The following SSTR4 variants were observed in gnomAD, a reference collection of about 807,000 sequenced individuals.
SSTR4 encodes the protein somatostatin receptor type 4.
For missense variants in SSTR4, 649 were observed against 540.6 expected, an observed-to-expected ratio of 1.20 and a Z score of -1.99; for synonymous variants, 272 against 246.3, an observed-to-expected ratio of 1.10 and a Z score of -0.98.
Position 23,036,786 on chromosome 20 carries a change from C to T in SSTR4, c.*136C>T, listed in dbSNP as rs992127642. 8.0e-6 allele frequency: 8 copies of T among 999,570 alleles called. No homozygotes were observed. Among genetic ancestry groups the T allele is most frequent in the South Asian group, 3.5e-5 (2 of 56,362 alleles). 61.9% of individuals were successfully genotyped at this position (999,570 alleles called of 1,614,324 possible). ...TCCTTCCAGCAGCCCATGTACCTGC[C>T]GGAGAGTGTCAGAACTCTTCTGCTG... On this transcript the variant is annotated 3_prime_UTR_variant, in exon 1 of 1. Coordinates refer to ENST00000255008, the MANE Select transcript of SSTR4 (RefSeq NM_001052.4).
In SSTR4 at chr20:23,036,439, G is replaced by A. The variant is rs367818373; in HGVS notation, c.956G>A (p.Arg319His). The change falls in exon 1 of 1, where the codon CGC becomes CAC. Residue 319 changes from arginine (R) to histidine (H), a missense_variant. Physicochemically the swap from Arg to His is conservative, Grantham distance 29. Transcript: ENST00000255008. ...ILYGFLSDNF[R>H]RFFQRVLCLR... ...TATGGCTTCCTCTCCGACAACTTCC[G>A]CCGATTCTTCCAGCGGGTTCTCTGC... 4.3e-6 allele frequency: 7 copies of A among 1,613,768 alleles called. No homozygotes were observed. The highest frequency in any genetic ancestry group is 3.3e-5 in the Admixed American group (2 of 59,972).
At position 23,037,197 on chromosome 20, in the gene SSTR4, G is replaced by C. The variant is rs925604979; in HGVS notation, c.*547G>C. The C allele has an allele frequency of 6.5e-6, 1 of 153,334 alleles. No homozygotes were observed. Among genetic ancestry groups the C allele is most frequent in the Non-Finnish European group, 1.5e-5 (1 of 68,942 alleles). The allele number at this position is 153,334 out of a possible 1,614,324, so 9.5% of individuals were successfully genotyped here. A position where few individuals can be genotyped will look rare whatever the true frequency, so the allele number is the denominator to read the frequency against. Reference sequence around the variant, plus strand: ...TTACTTCCCTCCCCACTCACCCCCGGCCTGGGAATAACATCTGCTTGCTGT... The same window carrying C: ...TTACTTCCCTCCCCACTCACCCCCGCCCTGGGAATAACATCTGCTTGCTGT... On this transcript the variant is annotated 3_prime_UTR_variant, in exon 1 of 1. Transcript: ENST00000255008.
chr20:23,035,367 T>A lies in SSTR4; in HGVS notation c.-117T>A, dbSNP rs1984267542. ...CCCCGGTGCCCGCAGCTCTTCAGCG[T>A]AGCCGGGAAGAGCCGCGCGTCTGCG... On this transcript the variant is annotated 5_prime_UTR_variant, in exon 1 of 1. Transcript: ENST00000255008. 3.7e-6 allele frequency: 3 copies of A among 807,020 alleles called. No homozygotes were observed. In the African/African-American group the frequency reaches 5.4e-5, roughly 15 times the overall value. 50.0% of individuals were successfully genotyped at this position (807,020 alleles called of 1,614,324 possible). A position where few individuals can be genotyped will look rare whatever the true frequency, so the allele number is the denominator to read the frequency against.
chr20:23,036,791 A>G lies in SSTR4; in HGVS notation c.*141A>G. The G allele has an allele frequency of 1.0e-6, 1 of 977,154 alleles. No homozygotes were observed. The highest frequency in any genetic ancestry group is 1.5e-6 in the Non-Finnish European group (1 of 671,242). The allele number at this position is 977,154 out of a possible 1,614,324, so 60.5% of individuals were successfully genotyped here. ...CCAGCAGCCCATGTACCTGCCGGAGAGTGTCAGAACTCTTCTGCTGCTCTC... is the reference window on the plus strand; with the variant it reads ...CCAGCAGCCCATGTACCTGCCGGAGGGTGTCAGAACTCTTCTGCTGCTCTC... On this transcript the variant is annotated 3_prime_UTR_variant, in exon 1 of 1. Coordinates refer to ENST00000255008, the MANE Select transcript of SSTR4 (RefSeq NM_001052.4).
chr20:23,037,065 C>G lies in SSTR4; in HGVS notation c.*415C>G, dbSNP rs538360761. 7.2e-5 allele frequency among the ~76,000 whole-genome samples: 11 copies of G among 152,304 alleles called. No individual in the cohort carries two copies. The highest frequency in any genetic ancestry group is 2.6e-4 in the African/African-American group (11 of 41,556). On this transcript the variant is annotated 3_prime_UTR_variant, in exon 1 of 1. Transcript: ENST00000255008. ...GACGCTCTGCCTTGTGGTGGGAGCA[C>G]AGCTTGTACAGGAGAGAGGAGGAAG...
In SSTR4 at chr20:23,038,622, G is replaced by A. The variant is rs564469833; in HGVS notation, c.*1972G>A. 6.6e-6 allele frequency among the ~76,000 whole-genome samples: 1 copy of A among 152,340 alleles called. No individual in the cohort carries two copies. The highest frequency in any genetic ancestry group is 1.9e-4 in the East Asian group (1 of 5,180). On this transcript the variant is annotated 3_prime_UTR_variant, in exon 1 of 1. Coordinates refer to ENST00000255008, the MANE Select transcript of SSTR4 (RefSeq NM_001052.4). ...CAGCCTCAGCTACCCCGTGAGCAGT[G>A]ATTTAACCTCTCTAAGCCTCAGTTT... is the stretch of plus-strand genomic sequence containing the variant.
Position 23,036,044 on chromosome 20 carries a change from C to T in SSTR4, c.561C>T (p.Thr187=), listed in dbSNP as rs768261429. The T allele has an allele frequency of 5.7e-6, 9 of 1,585,200 alleles. No homozygotes were observed. The East Asian group carries it at 2.0e-4, about 35-fold the overall frequency. Residue 187 remains threonine (T), a synonymous_variant, in exon 1 of 1, where the codon ACC becomes ACT. Transcript: ENST00000255008. ...TCCCCATCGCCATCTTCGCAGACAC[C>T]AGACCGGCTCGCGGCGGCCAGGCCG... The part of the protein sequence containing the change: ...VTLPIAIFAD[T]RPARGGQAVA...
In SSTR4 at chr20:23,037,201, G is replaced by C. The variant is rs574858229; in HGVS notation, c.*551G>C. On this transcript the variant is annotated 3_prime_UTR_variant, in exon 1 of 1. Coordinates refer to ENST00000255008, the MANE Select transcript of SSTR4 (RefSeq NM_001052.4). Reference sequence around the variant, plus strand: ...TTCCCTCCCCACTCACCCCCGGCCTGGGAATAACATCTGCTTGCTGTCACA... The same window carrying C: ...TTCCCTCCCCACTCACCCCCGGCCTCGGAATAACATCTGCTTGCTGTCACA... 6.5e-6 allele frequency: 1 copy of C among 153,396 alleles called. No homozygotes were observed. Among genetic ancestry groups the C allele is most frequent in the East Asian group, 1.9e-4 (1 of 5,208 alleles). The allele number at this position is 153,396 out of a possible 1,614,324, so 9.5% of individuals were successfully genotyped here.
Position 23,036,714 on chromosome 20 carries a change from C to A in SSTR4, c.*64C>A, listed in dbSNP as rs1324462674. 5 of 1,491,768 alleles carry A rather than the reference C, an allele frequency of 3.4e-6. No homozygotes were observed. The East Asian group carries it at 1.1e-4, about 34-fold the overall frequency. 92.4% of individuals were successfully genotyped at this position (1,491,768 alleles called of 1,614,324 possible). ...AAGGGGTGGGCACCATTCCTACAGC[C>A]CCGAAGACTGCATCTCCTGAATGCT... On this transcript the variant is annotated 3_prime_UTR_variant, in exon 1 of 1. Transcript: ENST00000255008.
chr20:23,038,725 C>T lies in SSTR4; in HGVS notation c.*2075C>T, dbSNP rs1288489828. 1.3e-5 allele frequency among the ~76,000 whole-genome samples: 2 copies of T among 152,174 alleles called. No individual in the cohort carries two copies. Among genetic ancestry groups the T allele is most frequent in the African/African-American group, 4.8e-5 (2 of 41,454 alleles). ...GTAAACTCTGCATTGGCAGAGACAC[C>T]GTGGAGACACGCGAATCAAATGGTG... On this transcript the variant is annotated 3_prime_UTR_variant, in exon 1 of 1. Coordinates refer to ENST00000255008, the MANE Select transcript of SSTR4 (RefSeq NM_001052.4).
chr20:23,035,583 G>A lies in SSTR4; in HGVS notation c.100G>A (p.Glu34Lys). The A allele has an allele frequency of 6.4e-7, 1 of 1,574,296 alleles. No individual in the cohort carries two copies. The highest frequency in any genetic ancestry group is 1.8e-4 in the Middle Eastern group (1 of 5,422). The stretch of plus-strand genomic sequence containing the variant: ...CAGTAGCGCTCCGGCGGAGGCGGAG[G>A]AGGCGGTGGCGGGGCCCGGGGACGC... ...NASSAPAEAE[E>K]AVAGPGDARA... Residue 34 changes from glutamate to lysine, a missense_variant, in exon 1 of 1, where the codon GAG (glutamate) becomes AAG (lysine). Glu to Lys is a moderately conservative substitution (Grantham distance 56). Coordinates refer to ENST00000255008, the MANE Select transcript of SSTR4 (RefSeq NM_001052.4).
rs1172102151 is a variant in SSTR4, at chr20:23,037,725, G to A, written c.*1075G>A. ...GCTCTAATTCTGCTTTCTGATAAAA[G>A]CAGGGGAGGGGACAAAGGAGAACTT... On this transcript the variant is annotated 3_prime_UTR_variant, in exon 1 of 1. Transcript: ENST00000255008. 6.6e-6 allele frequency among the ~76,000 whole-genome samples: 1 copy of A among 152,184 alleles called. No individual in the cohort carries two copies. Among genetic ancestry groups the A allele is most frequent in the Non-Finnish European group, 1.5e-5 (1 of 68,046 alleles).
chr20:23,036,515 G>T lies in SSTR4; in HGVS notation c.1032G>T (p.Leu344=), dbSNP rs749525117. Residue 344 remains leucine, a synonymous_variant, in exon 1 of 1, where the codon CTG becomes CTT. Coordinates refer to ENST00000255008, the MANE Select transcript of SSTR4 (RefSeq NM_001052.4). ...CTGGAGGTGCTGAGGAGGAGCCCCT[G>T]GACTACTATGCCACTGCTCTCAAGA... ...EGAGGAEEEP[L]DYYATALKSK... The T allele has an allele frequency of 6.2e-7, 1 of 1,613,840 alleles. No individual in the cohort carries two copies. Among genetic ancestry groups the T allele is most frequent in the South Asian group, 1.1e-5 (1 of 91,054 alleles).
rs1984349872 is a variant in SSTR4 at position 23,037,037 on chromosome 20, G to GGTGTGGTGGGAGCA, written c.*387_*388insGTGTGGTGGGAGCA. Among the ~76,000 whole-genome samples, 5 of 152,354 alleles carry GGTGTGGTGGGAGCA rather than the reference G, an allele frequency of 3.3e-5. No homozygotes were observed. Among genetic ancestry groups the GGTGTGGTGGGAGCA allele is most frequent in the Admixed American group, 2.6e-4 (4 of 15,306 alleles). The stretch of plus-strand genomic sequence containing the variant: ...GAGGGAGGTAGCACCCTTCCTCTCT[G>GGTGTGGTGGGAGCA]CAGACGCTCTGCCTTGTGGTGGGAG... On this transcript the variant is annotated 3_prime_UTR_variant, in exon 1 of 1. Transcript: ENST00000255008.
Position 23,035,381 on chromosome 20 carries a change from C to T in SSTR4, c.-103C>T, listed in dbSNP as rs1600403830. 8 of 883,170 alleles carry T rather than the reference C, an allele frequency of 9.1e-6. 1 individual carries two copies. The highest frequency in any genetic ancestry group is 1.5e-6 in the Non-Finnish European group (1 of 675,492). The allele number at this position is 883,170 out of a possible 1,614,324, so 54.7% of individuals were successfully genotyped here. Reference sequence around the variant, plus strand: ...GCTCTTCAGCGTAGCCGGGAAGAGCCGCGCGTCTGCGCGCCAGCCCCCGCC... The same window carrying T: ...GCTCTTCAGCGTAGCCGGGAAGAGCTGCGCGTCTGCGCGCCAGCCCCCGCC... On this transcript the variant is annotated 5_prime_UTR_variant, in exon 1 of 1. Coordinates refer to ENST00000255008, the MANE Select transcript of SSTR4 (RefSeq NM_001052.4).
Position 23,036,006 on chromosome 20 carries a change from C to G in SSTR4, c.523C>G (p.Leu175Val). 1 of 1,595,628 alleles carries G rather than the reference C, an allele frequency of 6.3e-7. No homozygotes were observed. Among genetic ancestry groups the G allele is most frequent in the Non-Finnish European group, 8.5e-7 (1 of 1,175,248 alleles). The change falls in exon 1 of 1, where the codon CTG becomes GTG. Residue 175 changes from leucine (L) to valine (V), a missense_variant. Coordinates refer to ENST00000255008, the MANE Select transcript of SSTR4 (RefSeq NM_001052.4). The stretch of plus-strand genomic sequence containing the variant: ...CAACCTGGGCGTGTGGCTGGCATCC[C>G]TGTTGGTCACTCTCCCCATCGCCAT... Reference protein sequence around the residue: ...LINLGVWLASLLVTLPIAIFA... With the variant: ...LINLGVWLASVLVTLPIAIFA...
Position 23,035,365 on chromosome 20 carries a change from C to A in SSTR4, c.-119C>A. 2.5e-6 allele frequency: 2 copies of A among 796,702 alleles called. No individual in the cohort carries two copies. Among genetic ancestry groups the A allele is most frequent in the Non-Finnish European group, 3.3e-6 (2 of 598,604 alleles). 49.4% of individuals were successfully genotyped at this position (796,702 alleles called of 1,614,324 possible). ...CTCCCCGGTGCCCGCAGCTCTTCAG[C>A]GTAGCCGGGAAGAGCCGCGCGTCTG... On this transcript the variant is annotated 5_prime_UTR_variant, in exon 1 of 1. Transcript: ENST00000255008.
rs1441743946 is a variant in SSTR4 at position 23,036,553 on chromosome 20, C to G, written c.1070C>G (p.Ala357Gly). Residue 357 changes from alanine to glycine, a missense_variant, in exon 1 of 1, where the codon GCA becomes GGA. By Grantham distance (60) the Ala-to-Gly change is moderately conservative. Coordinates refer to ENST00000255008, the MANE Select transcript of SSTR4 (RefSeq NM_001052.4). ...YATALKSKGG[A>G]GCMCPPLPCQ... ...ACTGCTCTCAAGAGCAAAGGTGGGG[C>G]AGGGTGCATGTGCCCCCCACTCCCC... 5.6e-6 allele frequency: 9 copies of G among 1,612,112 alleles called. No homozygotes were observed. Among genetic ancestry groups the G allele is most frequent in the Non-Finnish European group, 6.8e-6 (8 of 1,179,294 alleles).
In SSTR4 at chr20:23,036,858, G is replaced by A; in HGVS notation, c.*208G>A. The A allele has an allele frequency of 7.4e-6, 4 of 542,666 alleles. No homozygotes were observed. The highest frequency in any genetic ancestry group is 9.6e-6 in the Non-Finnish European group (3 of 314,130). The allele number at this position is 542,666 out of a possible 1,614,324, so 33.6% of individuals were successfully genotyped here. A position where few individuals can be genotyped will look rare whatever the true frequency, so the allele number is the denominator to read the frequency against. ...GGCTTTCAAAAGGATGCTTCCATATGGGTAGGACTCCTCTGGAAACTGGGC... is the reference window on the plus strand; with the variant it reads ...GGCTTTCAAAAGGATGCTTCCATATAGGTAGGACTCCTCTGGAAACTGGGC... On this transcript the variant is annotated 3_prime_UTR_variant, in exon 1 of 1. Transcript: ENST00000255008.
Sources: allele counts gnomAD v4.1 joint callset (sites outside exome capture counted in the v4.1 genomes callset), GRCh38; gene constraint gnomAD v4.1.1; transcripts MANE v1.5; gene names NCBI Gene and HGNC (gene_info 2026-07-23, HGNC 2026-07-21).